Variants in PDE7A observed in about 807,000 individuals in gnomAD.
PDE7A encodes the protein phosphodiesterase 7A.
A neutral mutation model predicts 64.3 loss-of-function variants in PDE7A; 39 were observed. The ratio of observed to expected loss-of-function variants is 0.61; its 90% confidence interval spans 0.47 to 0.79. The LOEUF is 0.79. Ranked by LOEUF, PDE7A falls within the 30% of genes least tolerant of loss-of-function variation. The pLI is 0.00. For missense variants in PDE7A, 470 were observed against 582.8 expected (o/e 0.81, Z 1.99); for synonymous variants, 203 against 206.8 (o/e 0.98, Z 0.16).
chr8:65,820,076 A>G (rs1395649115), intron 1 of PDE7A, among the ~76,000 whole-genome samples: 1 of 152,228 alleles, frequency 6.6e-6, no homozygotes, highest in Non-Finnish European at 1.5e-5. Context: ...ATGAAGACTA[A>G]GTAACTGTAA....
intron 3 of PDE7A, among the ~76,000 whole-genome samples, chr8:65,767,768 A>G (rs1808865860): frequency 6.6e-6 from 1 of 152,012 alleles, no homozygotes. Flanking sequence ...CTTCCCCCAT[A>G]CCTCACCCTA....
At chr8:65,792,628 G>A (rs988317476) in intron 1 of PDE7A, among the ~76,000 whole-genome samples, 2 of 152,202 alleles carry the variant, frequency 1.3e-5, no homozygotes, top group Non-Finnish European at 2.9e-5. Flanking sequence ...TGTAGTGTCT[G>A]TAGAAAACTA....
At chr8:65,789,005 AG>A in intron 1 of PDE7A, 1 of 1,596,530 alleles carries the variant, frequency 6.3e-7, no homozygotes, top group Non-Finnish European at 8.6e-7. Context: ...AAAACTTCTT[AG>A]GAGTCTGATA....
intron 1 of PDE7A, among the ~76,000 whole-genome samples, chr8:65,827,542 C>A (rs1233341615): frequency 1.3e-5 from 2 of 152,178 alleles, no homozygotes; most frequent in African/African-American, 4.8e-5. Flanking sequence ...ATTAAGAATG[C>A]AGCATATTCC....
chr8:65,729,576 A>AT (rs1004022545), intron 7 of PDE7A, among the ~76,000 whole-genome samples: 2 of 151,696 alleles, frequency 1.3e-5, no homozygotes, highest in Non-Finnish European at 2.9e-5. Flanking sequence ...AACAGATTCT[A>AT]TTTTTTTGTG....
chr8:65,782,217 TGAA>T (rs1809438730), intron 2 of PDE7A, among the ~76,000 whole-genome samples: 1 of 152,112 alleles, frequency 6.6e-6, no homozygotes, highest in African/African-American at 2.4e-5. Context: ...AGTGCAAGGA[TGAA>T]GGAGACATGG....
In PDE7A at chr8:65,738,449, T is replaced by G. The variant is rs1031725684; in HGVS notation, c.595+1053A>C. Among the ~76,000 whole-genome samples the G allele has an allele frequency of 3.9e-5, 6 of 152,136 alleles. No individual in the cohort carries two copies. In the East Asian group the frequency reaches 1.2e-3, roughly 29 times the overall value. ...ATCCACCTAAAGGACGGACAAAGAC[T>G]TTACCAGGAATCATGAATTCCTTCC... On this transcript the variant is annotated intron_variant, in intron 6 of 12. Transcript: ENST00000401827.
chr8:65,736,560 C>A (rs1337851987), intron 6 of PDE7A, among the ~76,000 whole-genome samples: 2 of 151,956 alleles, frequency 1.3e-5, no homozygotes, highest in African/African-American at 4.8e-5. Flanking sequence ...TGAGACCAGC[C>A]TAGGCCATTA....
At chr8:65,785,026 G>A (rs886261750) in intron 1 of PDE7A, among the ~76,000 whole-genome samples, 2 of 151,586 alleles carry the variant, frequency 1.3e-5, no homozygotes, top group African/African-American at 2.4e-5. Flanking sequence ...AAAATTTACT[G>A]AAAGCCCTCA....
intron 1 of PDE7A, among the ~76,000 whole-genome samples, chr8:65,813,061 T>G (rs1364764964): frequency 6.6e-6 from 1 of 152,210 alleles, no homozygotes; most frequent in Admixed American, 6.5e-5. Flanking sequence ...TTGAACTCAC[T>G]GTGCTAATTC....
chr8:65,731,390 G>A (rs1158337379), intron 7 of PDE7A, among the ~76,000 whole-genome samples: 1 of 152,236 alleles, frequency 6.6e-6, no homozygotes, highest in Non-Finnish European at 1.5e-5. Flanking sequence ...CAGTGCTAGA[G>A]TGGGTTTATC....
rs75595297 is a variant in PDE7A, at chr8:65,770,630, C to T, written c.283+9090G>A. Among the ~76,000 whole-genome samples, 109 of 152,298 alleles carry T rather than the reference C, an allele frequency of 7.2e-4. 2 individuals carry two copies. The East Asian group carries it at 0.019, about 26-fold the overall frequency. ...CAGTGAATAACACCATAACTTAATA[C>T]ATGTTCCTATTATAAACAAGGTGAA... On this transcript the variant is annotated intron_variant, in intron 3 of 12. Coordinates refer to ENST00000401827, the MANE Select transcript of PDE7A (RefSeq NM_001242318.3).
intron 12 of PDE7A, 134 bp from the exon 13 acceptor site, chr8:65,719,629 G>A: frequency 1.6e-6 from 1 of 640,866 alleles, no homozygotes; most frequent in Non-Finnish European, 2.8e-6. Flanking sequence ...AGATTCCTGT[G>A]TATGTGTAGG....
intron 3 of PDE7A, among the ~76,000 whole-genome samples, chr8:65,752,777 A>G (rs903099717): frequency 6.6e-6 from 1 of 152,042 alleles, no homozygotes; most frequent in Non-Finnish European, 1.5e-5. Context: ...GACACTCTAA[A>G]CTGTCTATGT....
At chr8:65,828,119 C>T (rs886163060) in intron 1 of PDE7A, among the ~76,000 whole-genome samples, 3 of 151,300 alleles carry the variant, frequency 2.0e-5, no homozygotes, top group African/African-American at 7.3e-5. Context: ...ATAGCTTTGT[C>T]GATTTCTGAA....
intron 1 of PDE7A, among the ~76,000 whole-genome samples, chr8:65,825,915 G>A (rs1167266341): frequency 6.6e-6 from 1 of 152,118 alleles, no homozygotes; most frequent in East Asian, 1.9e-4. Context: ...AGTGAGGTGT[G>A]TCATAAATAA....
intron 6 of PDE7A, among the ~76,000 whole-genome samples, chr8:65,736,665 C>T (rs1011817670): frequency 1.7e-4 from 26 of 151,848 alleles, no homozygotes; most frequent in African/African-American, 6.0e-4. Context: ...GTGGGAGGAT[C>T]GCATGAGCCG....
intron 3 of PDE7A, among the ~76,000 whole-genome samples, chr8:65,771,677 C>T (rs746049411): frequency 6.6e-6 from 1 of 151,892 alleles, no homozygotes; most frequent in Non-Finnish European, 1.5e-5. Context: ...GAGTTCGAGA[C>T]CAGCCTGGCC....
At chr8:65,761,442 A>G (rs1808489781) in intron 3 of PDE7A, among the ~76,000 whole-genome samples, 1 of 152,096 alleles carries the variant, frequency 6.6e-6, no homozygotes, top group Non-Finnish European at 1.5e-5. Context: ...AACAGATTAA[A>G]CTTGCCTTTA....
Sources: gnomAD v4.1 joint callset for allele counts (sites outside exome capture counted in the v4.1 genomes callset) on GRCh38, gnomAD v4.1.1 for gene constraint, MANE v1.5 for transcripts, NCBI Gene and HGNC (gene_info 2026-07-23, HGNC 2026-07-21) for gene names.